The following CCDC171 variants were observed in gnomAD, a reference collection of about 807,000 sequenced individuals.
CCDC171 encodes the protein coiled-coil domain-containing protein 171.
A neutral mutation model predicts 168.2 loss-of-function variants in CCDC171; 177 were observed. The ratio of observed to expected loss-of-function variants is 1.05; its 90% confidence interval spans 0.93 to 1.19. CCDC171 has a LOEUF of 1.19. CCDC171 is among the 50% of genes most tolerant of loss of function. The pLI, the probability that CCDC171 is intolerant of heterozygous loss-of-function variation, is 0.00. For missense variants in CCDC171, 1,991 were observed against 1,539.0 expected (o/e 1.29, Z -4.91); for synonymous variants, 687 against 540.8 (o/e 1.27, Z -3.75).
chr9:15,843,377 T>C (rs1156789119), intron 21 of CCDC171, among the ~76,000 whole-genome samples: 1 of 152,102 alleles, frequency 6.6e-6, no homozygotes, highest in Non-Finnish European at 1.5e-5. Flanking sequence ...ACTCTTGTTA[T>C]CATATCTAGC....
At chr9:15,555,351 G>A (rs2038701040) in intron 1 of CCDC171, among the ~76,000 whole-genome samples, 1 of 152,176 alleles carries the variant, frequency 6.6e-6, no homozygotes, top group Non-Finnish European at 1.5e-5. Context: ...TACTGCTACA[G>A]GATGGCCTGG....
chr9:15,621,097 G>A lies in CCDC171; in HGVS notation c.676-2170G>A, dbSNP rs190879684. On this transcript the variant is annotated intron_variant, in intron 6 of 25. Coordinates refer to ENST00000380701, the MANE Select transcript of CCDC171 (RefSeq NM_173550.4). ...TCTCCTGCCTCAGCCTCCCATAGTA[G>A]CTGGGATTATAGATGTGCGCCACCA... Among the ~76,000 whole-genome samples, 597 of 152,186 alleles carry A rather than the reference G, an allele frequency of 3.9e-3. 1 individual carries two copies. Among genetic ancestry groups the A allele is most frequent in the Non-Finnish European group, 7.5e-3 (507 of 68,004 alleles).
intron 25 of CCDC171, 57 bp from the exon 26 acceptor site, chr9:15,971,552 C>A: frequency 7.6e-6 from 9 of 1,178,292 alleles, no homozygotes; most frequent in Non-Finnish European, 1.1e-5. Flanking sequence ...TGGTTTTAGG[C>A]TCTATTTGAG....
Position 15,850,479 on chromosome 9 carries a change from A to G in CCDC171, c.3468+1532A>G, listed in dbSNP as rs530491547. ...AGAAAGCTGTCTGTAAATCTGGTCT[A>G]TAGCCATTGTAGATTTGCTTTTGCT... On this transcript the variant is annotated intron_variant, in intron 23 of 25. Transcript: ENST00000380701. 4.7e-4 allele frequency among the ~76,000 whole-genome samples: 71 copies of G among 152,104 alleles called. 2 individuals carry two copies. The highest frequency in any genetic ancestry group is 1.6e-3 in the African/African-American group (66 of 41,552).
chr9:15,806,948 C>T (rs1477800113), intron 21 of CCDC171, among the ~76,000 whole-genome samples: 1 of 152,096 alleles, frequency 6.6e-6, no homozygotes, highest in Non-Finnish European at 1.5e-5. Context: ...TTGTTTTCAT[C>T]TGTCTTATTT....
intron 23 of CCDC171, among the ~76,000 whole-genome samples, chr9:15,867,079 A>G (rs1299396728): frequency 6.6e-6 from 1 of 152,018 alleles, no homozygotes; most frequent in African/African-American, 2.4e-5. Flanking sequence ...AGTTGTCAGA[A>G]TATCTCTTGG....
intron 11 of CCDC171, among the ~76,000 whole-genome samples, chr9:15,712,462 A>T (rs1229026363): frequency 6.6e-6 from 1 of 152,250 alleles, no homozygotes; most frequent in Non-Finnish European, 1.5e-5. Flanking sequence ...ATCCTATGGA[A>T]ACAATCTTAT....
At chr9:15,846,550 A>C in intron 21 of CCDC171, 152 bp from the exon 22 acceptor site, 2 of 623,882 alleles carry the variant, frequency 3.2e-6, no homozygotes, top group Non-Finnish European at 5.3e-6. Context: ...ACGTATATAA[A>C]ATTTTTGCAG....
intron 6 of CCDC171, among the ~76,000 whole-genome samples, chr9:16,030,768 C>T (rs376048201): frequency 3.7e-4 from 57 of 152,252 alleles, no homozygotes; most frequent in African/African-American, 1.2e-3. Context: ...CGGCTCACCA[C>T]GCTGGCCAGG....
intron 21 of CCDC171, among the ~76,000 whole-genome samples, chr9:15,845,975 A>G (rs1397947961): frequency 4.6e-5 from 7 of 152,144 alleles, no homozygotes; most frequent in African/African-American, 1.7e-4. Flanking sequence ...ATTAAAGTAG[A>G]TAGCAAATAT....
the CCDC171 span, among the ~76,000 whole-genome samples, chr9:16,089,160 G>C: frequency 2.2e-4 from 33 of 152,028 alleles, no homozygotes; most frequent in Non-Finnish European, 4.1e-4. Context: ...CTAGCCATGT[G>C]CAGAAAACTG....
chr9:15,768,893 C>T (rs1333839021), intron 18 of CCDC171, among the ~76,000 whole-genome samples: 1 of 152,160 alleles, frequency 6.6e-6, no homozygotes, highest in African/African-American at 2.4e-5. Context: ...AATATTGTTC[C>T]TTGTTTCTTA....
intron 3 of CCDC171, among the ~76,000 whole-genome samples, chr9:15,576,425 C>T (rs982069157): frequency 6.6e-6 from 1 of 151,966 alleles, no homozygotes; most frequent in Admixed American, 6.6e-5. Flanking sequence ...TAGCCTCAAG[C>T]AACCCTCCCT....
intron 25 of CCDC171, among the ~76,000 whole-genome samples, chr9:15,943,257 G>A (rs1288836664): frequency 6.6e-6 from 1 of 151,940 alleles, no homozygotes; most frequent in Non-Finnish European, 1.5e-5. Flanking sequence ...GAAGAGCAGA[G>A]ATATTTAAAA....
chr9:15,821,153 C>T (rs535560659), intron 21 of CCDC171, among the ~76,000 whole-genome samples: 1 of 117,646 alleles, frequency 8.5e-6, no homozygotes, highest in East Asian at 2.1e-4. Flanking sequence ...ATGGTAAAAA[C>T]TCCCAATAAA....
intron 16 of CCDC171, among the ~76,000 whole-genome samples, chr9:15,733,964 G>C (rs1336339024): frequency 6.6e-6 from 1 of 151,962 alleles, no homozygotes; most frequent in Non-Finnish European, 1.5e-5. Context: ...TTGTAGAGAT[G>C]AGGTCTCACT....
At chr9:16,079,065 T>G in the CCDC171 span, among the ~76,000 whole-genome samples, 1 of 152,362 alleles carries the variant, frequency 6.6e-6, no homozygotes, top group South Asian at 2.1e-4. Context: ...AAGGCCAAGT[T>G]AAGTTCCTGG....
At chr9:15,784,461 A>C (rs1355926950) in intron 20 of CCDC171, 48 bp from the exon 21 acceptor site, 2 of 1,255,946 alleles carry the variant, frequency 1.6e-6, no homozygotes, top group Non-Finnish European at 2.3e-6. Flanking sequence ...ATGATACAAC[A>C]ATGCAGTTAG....
At chr9:15,670,920 A>G (rs1449728467) in intron 9 of CCDC171, among the ~76,000 whole-genome samples, 2 of 151,908 alleles carry the variant, frequency 1.3e-5, no homozygotes, top group Non-Finnish European at 2.9e-5. Context: ...TGGTGGGAGG[A>G]TTGCTGGAGG....
Sources: gnomAD v4.1 joint callset for allele counts (sites outside exome capture counted in the v4.1 genomes callset) on GRCh38, gnomAD v4.1.1 for gene constraint, MANE v1.5 for transcripts, NCBI Gene and HGNC (gene_info 2026-07-23, HGNC 2026-07-21) for gene names.